The following ANKRD44 variants were observed in gnomAD, a reference collection of about 807,000 sequenced individuals.
The protein encoded by ANKRD44 is ankyrin repeat domain 44, also known as serine/threonine-protein phosphatase 6 regulatory ankyrin repeat subunit B.
ANKRD44 carries 35 observed loss-of-function variants against 116.0 expected under a neutral mutation model. That is an observed-to-expected ratio of 0.30 (90% CI 0.23 to 0.40). The LOEUF (loss-of-function observed/expected upper bound fraction) is 0.40, where lower values mean the gene tolerates loss of function less well. ANKRD44 is among the 10% of genes least tolerant of loss of function. The pLI is 1.00. For missense variants in ANKRD44, 1,014 were observed against 1,242.6 expected (o/e 0.82, Z 2.77); for synonymous variants, 435 against 461.8 (o/e 0.94, Z 0.74).
At position 197,069,093 on chromosome 2, in the gene ANKRD44, A is replaced by G. The variant is rs190592141; in HGVS notation, c.1650+9610T>C. On this transcript the variant is annotated intron_variant, in intron 16 of 27. Coordinates refer to ENST00000282272, the MANE Select transcript of ANKRD44 (RefSeq NM_001195144.2). Reference sequence around the variant, plus strand: ...ACTGGATTCAGAAAATGTGGCACACATACACCATGGAATACTATGCAGCCA... The same window carrying G: ...ACTGGATTCAGAAAATGTGGCACACGTACACCATGGAATACTATGCAGCCA... 1.2e-3 allele frequency among the ~76,000 whole-genome samples: 177 copies of G among 152,356 alleles called. 1 individual carries two copies. Among genetic ancestry groups the G allele is most frequent in the Admixed American group, 2.4e-3 (36 of 15,300 alleles).
intron 1 of ANKRD44, among the ~76,000 whole-genome samples, chr2:197,197,512 G>C (rs902360533): frequency 2.0e-5 from 3 of 152,110 alleles, no homozygotes; most frequent in African/African-American, 7.2e-5. Context: ...CTGAGCATAA[G>C]AAATTCAGAC....
At chr2:197,009,056 C>G in intron 18 of ANKRD44, 25 bp from the exon 19 acceptor site, 1 of 1,582,014 alleles carries the variant, frequency 6.3e-7, no homozygotes, top group Non-Finnish European at 8.7e-7. Flanking sequence ...AGTGGACAGT[C>G]TTTTAACAGA....
chr2:197,182,540 G>C (rs901883931), intron 2 of ANKRD44, among the ~76,000 whole-genome samples: 1 of 152,216 alleles, frequency 6.6e-6, no homozygotes, highest in African/African-American at 2.4e-5. Context: ...CAAATGTGCT[G>C]CAAGGACTGG....
intron 21 of ANKRD44, among the ~76,000 whole-genome samples, chr2:196,973,926 C>T (rs1559389151): frequency 6.6e-6 from 1 of 152,058 alleles, no homozygotes; most frequent in Non-Finnish European, 1.5e-5. Context: ...CTGTGAAGCC[C>T]TTTCTTAAGT....
chr2:197,012,421 G>C (rs921840922), intron 18 of ANKRD44, among the ~76,000 whole-genome samples: 2 of 152,124 alleles, frequency 1.3e-5, no homozygotes, highest in South Asian at 4.1e-4. Context: ...TTTTAAAAAG[G>C]AGGACAAAAT....
chr2:197,098,507 T>A (rs1244268921), intron 10 of ANKRD44, among the ~76,000 whole-genome samples: 1 of 152,198 alleles, frequency 6.6e-6, no homozygotes, highest in Non-Finnish European at 1.5e-5. Context: ...CTTCTAAAAA[T>A]TTAGTTATTG....
rs1302066311 is a variant in ANKRD44, at chr2:197,203,930, AT to A, written c.28-16825del. ...AGCCACACATAGAAACAGAAAGCTG[AT>A]TAGCAGTTACCAGGGATCGGGAGGG... On this transcript the variant is annotated intron_variant, in intron 1 of 27. Coordinates refer to ENST00000282272, the MANE Select transcript of ANKRD44 (RefSeq NM_001195144.2). This position sits in a 1 kb window ranked among gnomAD's most constrained non-coding sequence, Gnocchi z 4.1. Among the ~76,000 whole-genome samples the A allele has an allele frequency of 6.6e-6, 1 of 152,212 alleles. No homozygotes were observed. Among genetic ancestry groups the A allele is most frequent in the Admixed American group, 6.5e-5 (1 of 15,286 alleles).
intron 21 of ANKRD44, among the ~76,000 whole-genome samples, chr2:197,003,620 G>A (rs1417394604): frequency 1.3e-5 from 2 of 152,144 alleles, no homozygotes; most frequent in African/African-American, 2.4e-5. Context: ...AACGGCTTAG[G>A]AGGAGACTGC....
intron 16 of ANKRD44, among the ~76,000 whole-genome samples, chr2:197,069,858 A>C (rs546788479): frequency 4.0e-5 from 6 of 151,494 alleles, no homozygotes; most frequent in East Asian, 1.9e-4. Flanking sequence ...CATTATGTTG[A>C]GTCTTCTAAT....
rs372911040 is a variant in ANKRD44 at position 197,078,670 on chromosome 2, G to A, written c.1650+33C>T. 1.9e-6 allele frequency: 3 copies of A among 1,606,746 alleles called. No individual in the cohort carries two copies. The African/African-American group carries it at 4.0e-5, about 21-fold the overall frequency. On this transcript the variant is annotated intron_variant, in intron 16 of 27. Coordinates refer to ENST00000282272, the MANE Select transcript of ANKRD44 (RefSeq NM_001195144.2). ...TGTGATTTGGGGTATGTGTGTGTGT[G>A]TGTGTTAGAGAAAACAAAACAAAAC...
chr2:197,122,798 C>T lies in ANKRD44; in HGVS notation c.551-6G>A, dbSNP rs564982884. 6.2e-7 allele frequency: 1 copy of T among 1,611,618 alleles called. No homozygotes were observed. The highest frequency in any genetic ancestry group is 2.2e-5 in the East Asian group (1 of 44,850). ...TGCTACAACATCCAAGTGGCCTTTA[C>T]AAACAAAGCAGCAGAAAACATCGTT... On this transcript the variant is annotated splice_polypyrimidine_tract_variant and splice_region_variant and intron_variant, in intron 6 of 27. Transcript: ENST00000282272.
intron 26 of ANKRD44, 23 bp from the exon 27 acceptor site, chr2:196,993,697 T>C (rs1335935355): frequency 1.5e-5 from 23 of 1,540,928 alleles, no homozygotes; most frequent in Non-Finnish European, 1.9e-5. Flanking sequence ...AGACCGAGCA[T>C]CAGTTGTGAT....
chr2:197,199,354 T>C (rs1275156039), intron 1 of ANKRD44: 1 of 152,210 alleles, frequency 6.6e-6, no homozygotes, highest in Admixed American at 6.5e-5. Context: ...ACACGAAGTT[T>C]GAAAAATAGG....
intron 1 of ANKRD44, among the ~76,000 whole-genome samples, chr2:197,293,429 G>A (rs908902955): frequency 1.3e-5 from 2 of 152,204 alleles, no homozygotes; most frequent in Non-Finnish European, 2.9e-5. Flanking sequence ...AGAAGTGAGA[G>A]CCTCAATGAA....
chr2:197,033,912 G>A, intron 16 of ANKRD44, among the ~76,000 whole-genome samples: 1 of 152,028 alleles, frequency 6.6e-6, no homozygotes, highest in East Asian at 1.9e-4. Flanking sequence ...ATTTAAAACT[G>A]GCATTTACAA....
At chr2:197,015,682 T>C in intron 17 of ANKRD44, 1 of 552,586 alleles carries the variant, frequency 1.8e-6, no homozygotes, top group Admixed American at 2.6e-5. Context: ...TGATGGTGGG[T>C]GTAATGGATT....
At chr2:197,024,065 C>T (rs1275301440) in intron 17 of ANKRD44, among the ~76,000 whole-genome samples, 1 of 152,138 alleles carries the variant, frequency 6.6e-6, no homozygotes, top group African/African-American at 2.4e-5. Context: ...AAGCTCCACA[C>T]ATATGGTCAG....
At position 197,024,799 on chromosome 2, in the gene ANKRD44, G is replaced by A. The variant is rs138858547; in HGVS notation, c.1722+397C>T. ...AAACATCCTGCCAGTTTTTAACTGT[G>A]GTATTCAATTAGCCATAGGTTTTCC... is the stretch of plus-strand genomic sequence containing the variant. On this transcript the variant is annotated intron_variant, in intron 17 of 27. Coordinates refer to ENST00000282272, the MANE Select transcript of ANKRD44 (RefSeq NM_001195144.2). 4.2e-3 allele frequency among the ~76,000 whole-genome samples: 635 copies of A among 152,212 alleles called. 7 individuals are homozygous for A. The highest frequency in any genetic ancestry group is 0.014 in the African/African-American group (596 of 41,530).
At chr2:197,228,044 G>T (rs1023647005) in intron 1 of ANKRD44, among the ~76,000 whole-genome samples, 3 of 152,324 alleles carry the variant, frequency 2.0e-5, no homozygotes. Flanking sequence ...CATCCCAACT[G>T]TAAGTCAGAC....
Sources: allele counts gnomAD v4.1 joint callset (sites outside exome capture counted in the v4.1 genomes callset), GRCh38; gene constraint gnomAD v4.1.1; non-coding constraint Gnocchi (gnomAD v3.1); transcripts MANE v1.5; gene names NCBI Gene and HGNC (gene_info 2026-07-23, HGNC 2026-07-21).